The following SLC13A2 variants were observed in gnomAD, a reference collection of about 807,000 sequenced individuals.
SLC13A2 encodes the protein solute carrier family 13 member 2, also known as Na(+)-coupled citrate transporter.
In SLC13A2, 40 loss-of-function variants were observed where a neutral mutation model predicts 58.5. The observed-to-expected ratio is 0.68, with a 90% confidence interval of 0.53 to 0.89. The LOEUF (loss-of-function observed/expected upper bound fraction) is 0.89. Ranked by LOEUF, SLC13A2 falls within the 40% of genes least tolerant of loss-of-function variation. The pLI, the probability that SLC13A2 is intolerant of heterozygous loss-of-function variation, is 0.00. For synonymous variants in SLC13A2, 341 were observed against 331.6 expected (o/e 1.03, Z -0.31); for missense variants, 694 against 772.6 (o/e 0.90, Z 1.21).
At chr17:28,485,124 C>A (rs541689627) in intron 1 of SLC13A2, among the ~76,000 whole-genome samples, 1 of 152,322 alleles carries the variant, frequency 6.6e-6, no homozygotes, top group South Asian at 2.1e-4. Flanking sequence ...AACAACCACC[C>A]TGCTGGCCTG....
At chr17:28,477,351 G>A (rs1392607261) in intron 1 of SLC13A2, among the ~76,000 whole-genome samples, 2 of 151,072 alleles carry the variant, frequency 1.3e-5, no homozygotes, top group African/African-American at 2.4e-5. Flanking sequence ...CTGCCACCAC[G>A]CCCGGCTAAT....
Position 28,496,041 on chromosome 17 carries a change from C to G in SLC13A2, c.1470+225C>G, listed in dbSNP as rs868920277. ...CCTCATGATGTCACCCCTGGAGTAT[C>G]CTGATGGGGATCCTGGTGGCCTCAC... On this transcript the variant is annotated intron_variant, in intron 10 of 11. Coordinates refer to ENST00000314669, the MANE Select transcript of SLC13A2 (RefSeq NM_003984.4). The surrounding 1 kb of genome is among the most constrained non-coding windows in gnomAD (Gnocchi z 4.2). Among the ~76,000 whole-genome samples the G allele has an allele frequency of 6.6e-5, 10 of 152,282 alleles. No homozygotes were observed. The highest frequency in any genetic ancestry group is 1.2e-4 in the Non-Finnish European group (8 of 68,014).
Position 28,497,469 on chromosome 17 carries a change from T to C in SLC13A2, c.*200T>C, listed in dbSNP as rs2069171048. On this transcript the variant is annotated 3_prime_UTR_variant, in exon 12 of 12. Coordinates refer to ENST00000314669, the MANE Select transcript of SLC13A2 (RefSeq NM_003984.4). ...TGCTGGAATAAAAGGTGTGTGCATG[T>C]GTGTGTGCGCATATGTGTGCGCCTG... The C allele has an allele frequency of 3.2e-6, 2 of 621,670 alleles. No homozygotes were observed. The highest frequency in any genetic ancestry group is 3.0e-5 in the Admixed American group (1 of 33,704). The allele number at this position is 621,670 out of a possible 1,614,324, so 38.5% of individuals were successfully genotyped here.
chr17:28,477,382 G>C (rs530399129), intron 1 of SLC13A2, among the ~76,000 whole-genome samples: 80 of 151,540 alleles, frequency 5.3e-4, no homozygotes, highest in Middle Eastern at 3.4e-3. Flanking sequence ...TTTTAGTAGA[G>C]ACGGGGTTTC....
chr17:28,496,478 A>T lies in SLC13A2; in HGVS notation c.1499A>T (p.Tyr500Phe). ...MAQAICLHPL[Y>F]VMLPCTLATS... ...CAGGCCATCTGCCTCCACCCTCTCT[A>T]CGTCATGCTCCCCTGCACTCTGGCC... Residue 500 changes from tyrosine (Y) to phenylalanine (F), a missense_variant, in exon 11 of 12, where the codon TAC becomes TTC. By Grantham distance (22) the Tyr-to-Phe change is conservative (BLOSUM62 3). Coordinates refer to ENST00000314669, the MANE Select transcript of SLC13A2 (RefSeq NM_003984.4). The surrounding 1 kb of genome is among the most constrained non-coding windows in gnomAD (Gnocchi z 4.2). The T allele has an allele frequency of 6.2e-7, 1 of 1,609,712 alleles. No individual in the cohort carries two copies.
intron 6 of SLC13A2, among the ~76,000 whole-genome samples, chr17:28,492,761 T>C (rs1392304129): frequency 6.6e-6 from 1 of 152,248 alleles, no homozygotes; most frequent in Non-Finnish European, 1.5e-5. Context: ...GTATCAAGTC[T>C]GTGATTGATT....
chr17:28,478,470 G>A (rs1042073143), intron 1 of SLC13A2, among the ~76,000 whole-genome samples: 8 of 152,258 alleles, frequency 5.3e-5, no homozygotes, highest in Admixed American at 4.6e-4. Flanking sequence ...GCTCAGAGGA[G>A]GGAGCAAATT....
chr17:28,492,001 A>C (rs2069037669), intron 6 of SLC13A2, 149 bp downstream of exon 6: 2 of 1,159,276 alleles, frequency 1.7e-6, no homozygotes, highest in East Asian at 5.1e-5. Context: ...TTGGACCCCC[A>C]TTTGAGGAAA....
Position 28,496,610 on chromosome 17 carries a change from T to G in SLC13A2, c.1608+23T>G, listed in dbSNP as rs1451564038. 2 of 1,601,344 alleles carry G rather than the reference T, an allele frequency of 1.2e-6. No individual in the cohort carries two copies. Among genetic ancestry groups the G allele is most frequent in the Non-Finnish European group, 1.7e-6 (2 of 1,171,244 alleles). On this transcript the variant is annotated intron_variant, in intron 11 of 11. Coordinates refer to ENST00000314669, the MANE Select transcript of SLC13A2 (RefSeq NM_003984.4). This position sits in a 1 kb window ranked among gnomAD's most constrained non-coding sequence, Gnocchi z 4.2. Reference sequence around the variant, plus strand: ...ATGGTAAGTGGCAGGGAGGCCTGAATGCCTCATCCCTCCTTCCTGCTCTGA... The same window carrying G: ...ATGGTAAGTGGCAGGGAGGCCTGAAGGCCTCATCCCTCCTTCCTGCTCTGA...
At chr17:28,475,609 C>T (rs1475483780) in intron 1 of SLC13A2, among the ~76,000 whole-genome samples, 1 of 152,344 alleles carries the variant, frequency 6.6e-6, no homozygotes, top group East Asian at 1.9e-4. Context: ...CGCACTTTCT[C>T]TTTTGTCAGC....
intron 1 of SLC13A2, among the ~76,000 whole-genome samples, chr17:28,484,893 T>C (rs1016120625): frequency 2.6e-5 from 4 of 151,994 alleles, no homozygotes; most frequent in South Asian, 2.1e-4. Context: ...GTCACAAGGA[T>C]TGACTGCTGG....
chr17:28,480,842 C>T (rs1555600992), intron 1 of SLC13A2, among the ~76,000 whole-genome samples: 1 of 152,166 alleles, frequency 6.6e-6, no homozygotes, highest in East Asian at 1.9e-4. Context: ...ATGTTCCCAC[C>T]TATAGAACAG....
chr17:28,491,960 G>A, intron 6 of SLC13A2, 108 bp downstream of exon 6: 2 of 1,459,476 alleles, frequency 1.4e-6, no homozygotes, highest in Non-Finnish European at 1.8e-6. Flanking sequence ...CCAATGAGAA[G>A]GCTTCTCCCT....
At chr17:28,486,092 C>T (rs2151452556) in intron 1 of SLC13A2, among the ~76,000 whole-genome samples, 1 of 152,092 alleles carries the variant, frequency 6.6e-6, no homozygotes, top group East Asian at 1.9e-4. Flanking sequence ...ATACAGGTAT[C>T]AAAATATGGA....
At chr17:28,477,210 T>TG (rs2068692555) in intron 1 of SLC13A2, among the ~76,000 whole-genome samples, 1 of 147,266 alleles carries the variant, frequency 6.8e-6, no homozygotes, top group African/African-American at 2.5e-5. Flanking sequence ...TTTTTTTTTT[T>TG]TGAGACTGAG....
intron 2 of SLC13A2, 171 bp from the exon 3 acceptor site, chr17:28,490,283 A>G: frequency 3.2e-6 from 5 of 1,573,394 alleles, no homozygotes; most frequent in Non-Finnish European, 4.3e-6. Flanking sequence ...CCAAAAAGTT[A>G]AATTTATTTT....
At position 28,491,630 on chromosome 17, in the gene SLC13A2, G is replaced by A. The variant is rs1380312561; in HGVS notation, c.755+13G>A. 2 of 1,611,098 alleles carry A rather than the reference G, an allele frequency of 1.2e-6. No homozygotes were observed. The highest frequency in any genetic ancestry group is 2.7e-5 in the African/African-American group (2 of 75,040). On this transcript the variant is annotated intron_variant, in intron 5 of 11. Transcript: ENST00000314669. ...GCCAGATCAACTCGTGAGTGACAAG[G>A]GGTGGGCCACCTTGGGGGATCTGCA...
intron 1 of SLC13A2, among the ~76,000 whole-genome samples, chr17:28,477,265 C>T (rs1460425844): frequency 7.2e-6 from 1 of 138,244 alleles, no homozygotes; most frequent in African/African-American, 2.8e-5. Context: ...ACAATCTTGG[C>T]TCACTGCAAG....
chr17:28,492,478 C>A (rs2069047881), intron 6 of SLC13A2, among the ~76,000 whole-genome samples: 2 of 152,210 alleles, frequency 1.3e-5, no homozygotes, highest in Non-Finnish European at 2.9e-5. Flanking sequence ...AAATTCCAGG[C>A]AGCAGGAGCA....
Sources: gnomAD v4.1 joint callset for allele counts (sites outside exome capture counted in the v4.1 genomes callset) on GRCh38, gnomAD v4.1.1 for gene constraint, Gnocchi (gnomAD v3.1) non-coding constraint, MANE v1.5 for transcripts, NCBI Gene and HGNC (gene_info 2026-07-23, HGNC 2026-07-21) for gene names.